The following EPG5 variants were observed in gnomAD, a reference collection of about 807,000 sequenced individuals.
EPG5 encodes ectopic P-granules 5 autophagy tethering factor, also known as ectopic P granules protein 5 homolog.
A neutral mutation model predicts 302.7 loss-of-function variants in EPG5; 159 were observed. The ratio of observed to expected loss-of-function variants is 0.53; its 90% CI spans 0.46 to 0.60. EPG5 has a LOEUF of 0.60. EPG5 is among the 20% of genes least tolerant of loss of function. EPG5 has a pLI of 0.00. For missense variants in EPG5, 2,896 were observed against 3,092.4 expected (o/e 0.94, Z 1.51); for synonymous variants, 1,158 against 1,136.8 (o/e 1.02, Z -0.37).
Position 45,922,677 on chromosome 18 carries a change from T to C in EPG5, c.2839-77A>G. 2.0e-6 allele frequency: 3 copies of C among 1,515,956 alleles called. No homozygotes were observed. In the South Asian group the frequency reaches 3.7e-5, roughly 19 times the overall value. 93.9% of individuals were successfully genotyped at this position (1,515,956 alleles called of 1,614,324 possible). On this transcript the variant is annotated intron_variant, in intron 15 of 43. Transcript: ENST00000282041. ...GTAAGCTCATACACTCATCTCCTTT[T>C]GTGACCAACAATGCCCTCAACGCAG...
downstream of EPG5, among the ~76,000 whole-genome samples, chr18:45,844,899 C>G (rs1220067866): frequency 6.6e-6 from 1 of 152,110 alleles, no homozygotes; most frequent in Non-Finnish European, 1.5e-5. Flanking sequence ...GTTTCACAGC[C>G]AAGAAAAATT....
intron 27 of EPG5, among the ~76,000 whole-genome samples, chr18:45,892,920 A>C (rs2049384207): frequency 6.6e-6 from 1 of 152,242 alleles, no homozygotes; most frequent in Non-Finnish European, 1.5e-5. Context: ...AATTTTTAAA[A>C]ACTGATCTAA....
intron 11 of EPG5, among the ~76,000 whole-genome samples, chr18:45,934,580 T>C (rs574052955): frequency 6.6e-6 from 1 of 152,370 alleles, no homozygotes; most frequent in East Asian, 1.9e-4. Flanking sequence ...TAGAATATTG[T>C]GTGTATTGGT....
In EPG5 at chr18:45,964,907, CG is replaced by C. The variant is rs201842565; in HGVS notation, c.63+2269del. On this transcript the variant is annotated intron_variant, in intron 1 of 43. Transcript: ENST00000282041. ...GGCAGACGTTGTGGTGAGCAGAGAT[CG>C]CGCCACTGCACTCCAGCCTGGGCAA... Among the ~76,000 whole-genome samples the C allele has an allele frequency of 6.9e-3, 1,057 of 152,230 alleles. 9 individuals carry two copies. Among genetic ancestry groups the C allele is most frequent in the African/African-American group, 0.024 (993 of 41,534 alleles).
In EPG5 at chr18:45,925,763, C is replaced by A. The variant is rs777604641; in HGVS notation, c.2693G>T (p.Gly898Val). The A allele has an allele frequency of 6.4e-7, 1 of 1,557,982 alleles. No homozygotes were observed. The highest frequency in any genetic ancestry group is 1.2e-5 in the South Asian group (1 of 80,824). The stretch of plus-strand genomic sequence containing the variant: ...CTGTTTAGCAAATCCCCAATTCAGT[C>A]CTTCAAGAATAACACAGGCCAGTTT... ...KNKLACVILE[G>V]LNWGFAKQAT... The change falls in exon 14 of 44, where the codon GGA becomes GTA. Residue 898 changes from glycine to valine, a missense_variant. Around this residue, in one of 5 missense-constraint regions of EPG5, gnomAD observed 1,390 missense variants for 1,430.0 expected, o/e 0.97. Coordinates refer to ENST00000282041, the MANE Select transcript of EPG5 (RefSeq NM_020964.3).
intron 38 of EPG5, among the ~76,000 whole-genome samples, chr18:45,866,223 G>A (rs1038363045): frequency 2.6e-5 from 4 of 151,084 alleles, no homozygotes; most frequent in Admixed American, 6.6e-5. Context: ...GGGTTCAAGC[G>A]ATTCTCCTAC....
intron 28 of EPG5, among the ~76,000 whole-genome samples, chr18:45,888,160 C>T (rs564858209): frequency 1.4e-4 from 21 of 151,934 alleles, no homozygotes; most frequent in Admixed American, 1.3e-3. Context: ...GACTGGAGTG[C>T]AATGGTGTGA....
Position 45,887,169 on chromosome 18 carries a change from C to A in EPG5, c.5109+582G>T, listed in dbSNP as rs1031091500. Among the ~76,000 whole-genome samples, 4 of 152,120 alleles carry A rather than the reference C, an allele frequency of 2.6e-5. No individual in the cohort carries two copies. The East Asian group carries it at 5.8e-4, about 22-fold the overall frequency. ...AACATTTCATAAATCTGTATGATTA[C>A]CCTTACCCTTATTAAATATCTATCT... On this transcript the variant is annotated intron_variant, in intron 29 of 43. Coordinates refer to ENST00000282041, the MANE Select transcript of EPG5 (RefSeq NM_020964.3).
chr18:45,956,636 G>T (rs1286373774), intron 1 of EPG5, among the ~76,000 whole-genome samples: 10 of 151,996 alleles, frequency 6.6e-5, no homozygotes, highest in Admixed American at 5.2e-4. Context: ...AGTAGAGACG[G>T]GGTTTCACCG....
Position 45,857,886 on chromosome 18 carries a change from A to G in EPG5, c.7409T>C (p.Ile2470Thr). Residue 2470 changes from isoleucine (I) to threonine (T), a missense_variant, in exon 42 of 44, where the codon ATT becomes ACT. By Grantham distance (89) the Ile-to-Thr change is moderately conservative (BLOSUM62 -1). Transcript: ENST00000282041. ...CAAAGGCGACTTCCGGCCAAACCCAATTGCCCCCAGGATCCCAGAGCTGAG... is the reference window on the plus strand; with the variant it reads ...CAAAGGCGACTTCCGGCCAAACCCAGTTGCCCCCAGGATCCCAGAGCTGAG... Reference protein sequence around the residue: ...ERLSSGILGAIGFGRKSPLSN... With the variant: ...ERLSSGILGATGFGRKSPLSN... 6.2e-7 allele frequency: 1 copy of G among 1,612,314 alleles called. No homozygotes were observed. The highest frequency in any genetic ancestry group is 8.5e-7 in the Non-Finnish European group (1 of 1,180,008).
the EPG5 span, among the ~76,000 whole-genome samples, chr18:45,805,577 G>A: frequency 6.6e-6 from 1 of 151,920 alleles, no homozygotes; most frequent in South Asian, 2.1e-4. Flanking sequence ...AAAAGAAATA[G>A]CAGAGCTTGT....
At chr18:45,922,745 C>T in intron 15 of EPG5, 145 bp from the exon 16 acceptor site, 1 of 1,023,274 alleles carries the variant, frequency 9.8e-7, no homozygotes, top group East Asian at 2.5e-5. Context: ...GTTCACTGCA[C>T]TACATCAAAG....
chr18:45,908,450 TTTGCTTAGAAAAGCAAAAATAA>T (rs1217897626), intron 23 of EPG5, among the ~76,000 whole-genome samples: 2 of 152,180 alleles, frequency 1.3e-5, no homozygotes, highest in African/African-American at 4.8e-5. Flanking sequence ...GTCAGTTATT[TTTGCTTAGAAAAGCAAAAATAA>T]TACATTCAAA....
intron 39 of EPG5, among the ~76,000 whole-genome samples, chr18:45,862,580 C>T (rs1599434790): frequency 8.5e-6 from 1 of 117,864 alleles, no homozygotes; most frequent in South Asian, 3.3e-4. Flanking sequence ...TCAGAGATGT[C>T]GTAGTTTAAA....
intron 29 of EPG5, among the ~76,000 whole-genome samples, chr18:45,887,089 C>A (rs2049234081): frequency 6.6e-6 from 1 of 152,220 alleles, no homozygotes; most frequent in Non-Finnish European, 1.5e-5. Context: ...GGTGAGAGTA[C>A]ATGGTTAACT....
rs1174754316 is a variant in EPG5 at position 45,944,068 on chromosome 18, T to C, written c.1729A>G (p.Thr577Ala). Residue 577 changes from threonine to alanine, a missense_variant, in exon 8 of 44, where the codon ACC becomes GCC. Around this residue, in one of 5 missense-constraint regions of EPG5, gnomAD observed 1,390 missense variants for 1,430.0 expected, o/e 0.97. Coordinates refer to ENST00000282041, the MANE Select transcript of EPG5 (RefSeq NM_020964.3). ...TGAAAGGGGAACTGTGCTAAAATGG[T>C]AACCAAATCATCTTCATTAAGGAGA... ...WILLNEDDLV[T>A]ILAQFPFHEL... The C allele has an allele frequency of 6.2e-7, 1 of 1,614,070 alleles. No individual in the cohort carries two copies. The highest frequency in any genetic ancestry group is 1.3e-5 in the African/African-American group (1 of 75,054).
At chr18:45,934,024 T>G (rs1007011073) in intron 11 of EPG5, among the ~76,000 whole-genome samples, 6 of 152,110 alleles carry the variant, frequency 3.9e-5, no homozygotes, top group African/African-American at 1.2e-4. Flanking sequence ...GCACGGTGGC[T>G]CACGCCTGTA....
At chr18:45,938,886 A>C (rs1169943630) in intron 10 of EPG5, among the ~76,000 whole-genome samples, 1 of 152,186 alleles carries the variant, frequency 6.6e-6, no homozygotes, top group Non-Finnish European at 1.5e-5. Context: ...GGCAAGAGGG[A>C]GTGTAGGCAG....
At chr18:45,839,026 G>C in the EPG5 span, 4 of 1,575,468 alleles carry the variant, frequency 2.5e-6, no homozygotes, top group South Asian at 1.1e-5. Flanking sequence ...CCTCCTGCTC[G>C]GCGCTCTCGG....
Sources: gnomAD v4.1 joint callset for allele counts (sites outside exome capture counted in the v4.1 genomes callset) on GRCh38, gnomAD v4.1.1 for gene constraint, gnomAD v4.1.1 regional missense constraint, MANE v1.5 for transcripts, NCBI Gene and HGNC (gene_info 2026-07-23, HGNC 2026-07-21) for gene names.